Variants in WDR72 observed in about 807,000 individuals in gnomAD.
WDR72 encodes the protein WD repeat domain 72, also known as WD repeat-containing protein 72.
In WDR72, 120 loss-of-function variants were observed where a neutral mutation model predicts 124.2. The observed-to-expected ratio is 0.97, with a 90% CI of 0.83 to 1.12. The LOEUF (loss-of-function observed/expected upper bound fraction) is 1.12. WDR72 is among the 50% of genes most tolerant of loss of function. The probability of loss-of-function intolerance (pLI) is 0.00; values close to 1 mark genes in which losing one functional copy is unlikely to be tolerated. For missense variants in WDR72, 1,387 were observed against 1,278.8 expected (o/e 1.08, Z -1.29); for synonymous variants, 452 against 441.7 (o/e 1.02, Z -0.29).
intron 18 of WDR72, among the ~76,000 whole-genome samples, chr15:53,588,029 G>A (rs2012309346): frequency 6.6e-6 from 1 of 151,994 alleles, no homozygotes; most frequent in Non-Finnish European, 1.5e-5. Context: ...CTTGAACAAA[G>A]TAGATAAATT....
chr15:53,716,459 C>A (rs1595870127), intron 4 of WDR72, 148 bp downstream of exon 4: 4 of 684,710 alleles, frequency 5.8e-6, no homozygotes, highest in Non-Finnish European at 1.1e-5. Flanking sequence ...AAACAGCAGA[C>A]AATTACTGGT....
At chr15:53,618,472 T>C (rs2013857373) in intron 14 of WDR72, among the ~76,000 whole-genome samples, 1 of 152,044 alleles carries the variant, frequency 6.6e-6, no homozygotes, top group South Asian at 2.1e-4. Flanking sequence ...TAGAATTTTG[T>C]CAATTTTGAT....
intron 14 of WDR72, among the ~76,000 whole-genome samples, chr15:53,638,704 G>A (rs952174430): frequency 1.3e-5 from 2 of 150,138 alleles, no homozygotes; most frequent in African/African-American, 5.0e-5. Context: ...GCTCTGATAC[G>A]TTTATTAAGC....
Position 53,706,046 on chromosome 15 carries a change from T to C in WDR72, c.983A>G (p.Tyr328Cys), listed in dbSNP as rs754431536. The change falls in exon 10 of 20, where the codon TAC becomes TGC. Residue 328 changes from tyrosine to cysteine, a missense_variant. By Grantham distance (194) the Tyr-to-Cys change is radical (BLOSUM62 -2). Coordinates refer to ENST00000360509, the MANE Select transcript of WDR72 (RefSeq NM_182758.4). ...KEQSRPFVMGYMNERKEPFYK... is the reference protein window; with the variant it reads ...KEQSRPFVMGCMNERKEPFYK... ...AAAAGGCTCTTTCCTTTCATTCATG[T>C]AGCCCATAACAAAGGGACGGCTCTG... 11 of 1,613,962 alleles carry C rather than the reference T, an allele frequency of 6.8e-6. No individual in the cohort carries two copies. The African/African-American group carries it at 1.3e-4, about 20-fold the overall frequency.
intron 18 of WDR72, among the ~76,000 whole-genome samples, chr15:53,573,795 C>G (rs1894652111): frequency 6.6e-6 from 1 of 152,228 alleles, no homozygotes; most frequent in South Asian, 2.1e-4. Context: ...ATCCACTGGC[C>G]TTGGCCTCCC....
chr15:53,760,041 T>C (rs111987216), upstream of WDR72, among the ~76,000 whole-genome samples: 41 of 149,798 alleles, frequency 2.7e-4, no homozygotes, highest in African/African-American at 1.0e-3. Context: ...TTTTAAGTTT[T>C]TGGGGATACA....
chr15:53,666,264 A>G (rs1427337380), intron 13 of WDR72, among the ~76,000 whole-genome samples: 2 of 152,108 alleles, frequency 1.3e-5, no homozygotes, highest in Admixed American at 6.6e-5. Context: ...AAGTGTCCCC[A>G]CAGGGCTTTG....
chr15:53,522,538 G>C (rs1891859864), intron 19 of WDR72, among the ~76,000 whole-genome samples: 1 of 152,024 alleles, frequency 6.6e-6, no homozygotes, highest in Non-Finnish European at 1.5e-5. Context: ...TAATTAATTA[G>C]TTAAGGCTAG....
At chr15:53,712,050 G>A (rs909978131) in intron 7 of WDR72, among the ~76,000 whole-genome samples, 2 of 152,256 alleles carry the variant, frequency 1.3e-5, no homozygotes, top group Admixed American at 6.5e-5. Flanking sequence ...CAAATGTAGT[G>A]ACAAAGTAGA....
intron 1 of WDR72, among the ~76,000 whole-genome samples, chr15:53,753,953 G>A (rs941533999): frequency 6.6e-6 from 1 of 152,076 alleles, no homozygotes; most frequent in African/African-American, 2.4e-5. Context: ...TGACCTCAAA[G>A]CCCATACCAC....
intron 14 of WDR72, among the ~76,000 whole-genome samples, chr15:53,640,951 A>G (rs1348579210): frequency 6.6e-6 from 1 of 151,918 alleles, no homozygotes; most frequent in Non-Finnish European, 1.5e-5. Context: ...TTTTAAGTTG[A>G]CTTGTAAGTT....
At chr15:53,700,383 G>A (rs982278796) in intron 12 of WDR72, among the ~76,000 whole-genome samples, 4 of 152,210 alleles carry the variant, frequency 2.6e-5, no homozygotes, top group Admixed American at 6.5e-5. Context: ...GTGATTTGGT[G>A]CTGTTCCCAG....
In WDR72 at chr15:53,514,093, G is replaced by GT. The variant is rs1283419773; in HGVS notation, c.*3605dup. 6.6e-6 allele frequency: 1 copy of GT among 152,176 alleles called. No individual in the cohort carries two copies. The highest frequency in any genetic ancestry group is 2.4e-5 in the African/African-American group (1 of 41,454). The allele number at this position is 152,176 out of a possible 1,614,324, so 9.4% of individuals were successfully genotyped here. ...CTTTGTCTGAAAGATACCTACTCAA[G>GT]TAAGTTTTAATTTTGCAACTCTTTT... On this transcript the variant is annotated 3_prime_UTR_variant, in exon 20 of 20. Transcript: ENST00000360509.
intron 18 of WDR72, chr15:53,541,173 C>CT (rs1376682902): frequency 6.5e-6 from 1 of 153,350 alleles, no homozygotes; most frequent in Non-Finnish European, 1.4e-5. Context: ...CCTCTGTAGG[C>CT]TCCACCTCTG....
At chr15:53,530,120 C>T (rs1322796524) in intron 18 of WDR72, among the ~76,000 whole-genome samples, 1 of 151,446 alleles carries the variant, frequency 6.6e-6, no homozygotes, top group Non-Finnish European at 1.5e-5. Context: ...TCAATAATTT[C>T]CATGACTTTG....
chr15:53,591,898 A>G (rs2012526660), intron 18 of WDR72, among the ~76,000 whole-genome samples: 1 of 152,028 alleles, frequency 6.6e-6, no homozygotes, highest in Non-Finnish European at 1.5e-5. Context: ...CTATAAAATA[A>G]AATCTACAGG....
chr15:53,702,382 A>G (rs1215386227), intron 11 of WDR72, 28 bp from the exon 12 acceptor site: 14 of 1,544,876 alleles, frequency 9.1e-6, no homozygotes, highest in Admixed American at 8.4e-5. Context: ...ACCAAATAAT[A>G]CAGATGTTAT....
chr15:53,562,308 T>C (rs923362939), intron 18 of WDR72, among the ~76,000 whole-genome samples: 1 of 151,824 alleles, frequency 6.6e-6, no homozygotes, highest in African/African-American at 2.4e-5. Flanking sequence ...TAGTTTTCTC[T>C]TAATTGCCCC....
intron 14 of WDR72, among the ~76,000 whole-genome samples, chr15:53,654,586 G>A (rs926572062): frequency 6.6e-6 from 1 of 152,216 alleles, no homozygotes; most frequent in Admixed American, 6.5e-5. Flanking sequence ...AGGTGCACAA[G>A]AACAGTGAAG....
Sources: allele counts gnomAD v4.1 joint callset (sites outside exome capture counted in the v4.1 genomes callset), GRCh38; gene constraint gnomAD v4.1.1; transcripts MANE v1.5; gene names NCBI Gene and HGNC (gene_info 2026-07-23, HGNC 2026-07-21).